Variants in PTPRD observed in about 807,000 individuals in gnomAD.
PTPRD encodes protein tyrosine phosphatase receptor type D, also known as receptor-type tyrosine-protein phosphatase delta.
Under a neutral mutation model 214.5 loss-of-function variants are expected in PTPRD, and 34 were observed. The ratio of observed to expected loss-of-function variants is 0.16; its 90% CI spans 0.12 to 0.21. The LOEUF (loss-of-function observed/expected upper bound fraction) is 0.21. Among genes scored for constraint, PTPRD ranks in the 10% least tolerant of loss-of-function variants. PTPRD has a pLI of 1.00. For synonymous variants in PTPRD, 1,128 were observed against 845.7 expected, an observed-to-expected ratio of 1.33 and a Z score of -5.79; for missense variants, 2,545 against 2,398.7, an observed-to-expected ratio of 1.06 and a Z score of -1.27.
At chr9:9,975,483 G>A (rs185847406) in intron 4 of PTPRD, among the ~76,000 whole-genome samples, 81 of 152,320 alleles carry the variant, frequency 5.3e-4, no homozygotes, top group African/African-American at 1.9e-3. Flanking sequence ...GAGCCACTCT[G>A]AGTGAGGACC....
At chr9:9,342,908 G>C (rs944705801) in intron 9 of PTPRD, among the ~76,000 whole-genome samples, 3 of 151,808 alleles carry the variant, frequency 2.0e-5, no homozygotes, top group African/African-American at 7.3e-5. Flanking sequence ...TCTCCTCCCT[G>C]TATGTGATGT....
intron 12 of PTPRD, among the ~76,000 whole-genome samples, chr9:8,691,304 A>G (rs2097794888): frequency 6.6e-6 from 1 of 151,876 alleles, no homozygotes; most frequent in African/African-American, 2.4e-5. Flanking sequence ...CTTCCTCTCC[A>G]TCCTACTGTG....
chr9:10,277,417 A>G (rs959456211), intron 3 of PTPRD, among the ~76,000 whole-genome samples: 4 of 152,138 alleles, frequency 2.6e-5, no homozygotes, highest in Non-Finnish European at 4.4e-5. Context: ...GCCAGCCCTG[A>G]CTCTCGGCAC....
Position 8,364,010 on chromosome 9 carries a change from G to A in PTPRD, c.4661+11926C>T, listed in dbSNP as rs1588715896. ...TTAATGCCAGTTATCAAGGCAAAGG[G>A]TTTGAAAATACTTGCTAAACATTTG... On this transcript the variant is annotated intron_variant, in intron 39 of 45. Transcript: ENST00000381196. Among the ~76,000 whole-genome samples, 8 of 152,314 alleles carry A rather than the reference G, an allele frequency of 5.3e-5. No homozygotes were observed. In the South Asian group the frequency reaches 1.4e-3, roughly 28 times the overall value.
At chr9:9,051,045 G>C (rs1489737099) in intron 10 of PTPRD, among the ~76,000 whole-genome samples, 1 of 152,024 alleles carries the variant, frequency 6.6e-6, no homozygotes, top group African/African-American at 2.4e-5. Flanking sequence ...TTCCAACAAA[G>C]ATAATGTAGC....
chr9:9,650,016 C>T (rs1027025158), intron 7 of PTPRD, among the ~76,000 whole-genome samples: 4 of 152,084 alleles, frequency 2.6e-5, no homozygotes, highest in Admixed American at 1.3e-4. Context: ...TGGTTTGGTT[C>T]TGTGTCCCCA....
intron 9 of PTPRD, among the ~76,000 whole-genome samples, chr9:9,316,478 A>G (rs1222064805): frequency 6.6e-6 from 1 of 152,166 alleles, no homozygotes; most frequent in Non-Finnish European, 1.5e-5. Flanking sequence ...AGATAAGTCA[A>G]ACAAGACATT....
intron 7 of PTPRD, among the ~76,000 whole-genome samples, chr9:9,673,204 T>G (rs1049536185): frequency 1.3e-5 from 2 of 151,928 alleles, no homozygotes; most frequent in African/African-American, 4.8e-5. Flanking sequence ...AAACTCCTAA[T>G]AGCCCAATTG....
chr9:8,934,213 G>C (rs566077721), intron 11 of PTPRD, among the ~76,000 whole-genome samples: 3 of 150,724 alleles, frequency 2.0e-5, no homozygotes, highest in Non-Finnish European at 4.4e-5. Flanking sequence ...TGGAAAGATA[G>C]GAAGTGATTT....
intron 9 of PTPRD, among the ~76,000 whole-genome samples, chr9:9,332,964 G>A (rs973788015): frequency 6.6e-6 from 1 of 151,964 alleles, no homozygotes; most frequent in African/African-American, 2.4e-5. Context: ...GGAAGCAAAA[G>A]TGATCTAAAG....
chr9:8,803,922 A>AT (rs887352592), intron 11 of PTPRD, among the ~76,000 whole-genome samples: 35 of 149,036 alleles, frequency 2.3e-4, no homozygotes, highest in East Asian at 9.8e-4. Context: ...TATCTACTGG[A>AT]TTTTTTTTTT....
intron 7 of PTPRD, among the ~76,000 whole-genome samples, chr9:9,728,342 C>T (rs576074915): frequency 2.0e-5 from 3 of 152,090 alleles, no homozygotes; most frequent in Non-Finnish European, 2.9e-5. Flanking sequence ...ATTTGTTGTG[C>T]CTCCTTCCTT....
At chr9:9,955,333 G>A (rs2093811721) in intron 4 of PTPRD, among the ~76,000 whole-genome samples, 1 of 152,054 alleles carries the variant, frequency 6.6e-6, no homozygotes, top group Non-Finnish European at 1.5e-5. Flanking sequence ...TAAAGGATAT[G>A]TACGTATTTA....
chr9:8,921,495 T>A (rs1051803968), intron 11 of PTPRD, among the ~76,000 whole-genome samples: 3 of 134,770 alleles, frequency 2.2e-5, no homozygotes, highest in African/African-American at 9.3e-5. Context: ...AGTTTTCGCA[T>A]TTTTTTTTTC....
intron 3 of PTPRD, among the ~76,000 whole-genome samples, chr9:10,072,366 C>G (rs925168215): frequency 1.3e-5 from 2 of 152,018 alleles, no homozygotes; most frequent in Non-Finnish European, 2.9e-5. Context: ...AGAGTTGGTT[C>G]CTTCCAGTGG....
intron 9 of PTPRD, among the ~76,000 whole-genome samples, chr9:9,222,789 C>T (rs76577890): frequency 0.011 from 1,708 of 151,974 alleles, 27 homozygotes; most frequent in African/African-American, 0.039. Context: ...GTGACATATT[C>T]CCCATGTAAT....
At chr9:9,372,935 C>T (rs998033532) in intron 9 of PTPRD, among the ~76,000 whole-genome samples, 9 of 152,012 alleles carry the variant, frequency 5.9e-5, no homozygotes, top group African/African-American at 2.2e-4. Context: ...TGCACACTCT[C>T]CATTTTGAGA....
chr9:9,212,738 T>C (rs777125294), intron 9 of PTPRD, among the ~76,000 whole-genome samples: 18 of 152,266 alleles, frequency 1.2e-4, no homozygotes, highest in Non-Finnish European at 1.9e-4. Flanking sequence ...ATATGGGTTA[T>C]TGGACTCAAG....
chr9:10,265,590 C>T (rs1165327884), intron 3 of PTPRD, among the ~76,000 whole-genome samples: 1 of 152,174 alleles, frequency 6.6e-6, no homozygotes, highest in Admixed American at 6.5e-5. Flanking sequence ...TGGTCTCTAT[C>T]ACAACTACTC....
Sources: gnomAD v4.1 joint callset for allele counts (sites outside exome capture counted in the v4.1 genomes callset) on GRCh38, gnomAD v4.1.1 for gene constraint, MANE v1.5 for transcripts, NCBI Gene and HGNC (gene_info 2026-07-23, HGNC 2026-07-21) for gene names.